Variants in LARGE1 observed in about 807,000 individuals in gnomAD.
LARGE1 encodes xylosyl- and glucuronyltransferase LARGE1.
Under a neutral mutation model 87.6 loss-of-function variants are expected in LARGE1, and 43 were observed. The ratio of observed to expected loss-of-function variants is 0.49; its 90% CI spans 0.38 to 0.63. The LOEUF (loss-of-function observed/expected upper bound fraction) is 0.63, where lower values mean the gene tolerates loss of function less well. Ranked by LOEUF, LARGE1 falls within the 30% of genes least tolerant of loss-of-function variation. The pLI is 0.00. For synonymous variants in LARGE1, 434 were observed against 394.6 expected (o/e 1.10, Z -1.18); for missense variants, 802 against 1,000.2 (o/e 0.80, Z 2.67).
chr22:33,075,947 G>A, the LARGE1 span, among the ~76,000 whole-genome samples: 3 of 152,106 alleles, frequency 2.0e-5, no homozygotes, highest in South Asian at 2.1e-4. Context: ...CGTTTACTGC[G>A]AGTGAGTCAC....
chr22:33,464,167 T>C (rs1018046357), intron 6 of LARGE1, among the ~76,000 whole-genome samples: 1 of 151,954 alleles, frequency 6.6e-6, no homozygotes, highest in African/African-American at 2.4e-5. Context: ...CTGTGACAAA[T>C]AAGCATGGAA....
Position 33,640,272 on chromosome 22 carries a change from C to T in LARGE1, c.408+10095G>A, listed in dbSNP as rs375954326. ...CTGCTCATGGGTAGGAGGCCAGCAC[C>T]TTGTGGAGAGTGTGCTTTGAAATAT... On this transcript the variant is annotated intron_variant, in intron 3 of 14. Transcript: ENST00000397394. Among the ~76,000 whole-genome samples, 208 of 152,284 alleles carry T rather than the reference C, an allele frequency of 1.4e-3. 1 individual carries two copies. Among genetic ancestry groups the T allele is most frequent in the African/African-American group, 4.7e-3 (197 of 41,548 alleles).
At chr22:33,313,895 A>G (rs1011302131) in intron 11 of LARGE1, among the ~76,000 whole-genome samples, 5 of 152,222 alleles carry the variant, frequency 3.3e-5, no homozygotes, top group African/African-American at 1.2e-4. Context: ...ACAAAGGTGT[A>G]CTTTTTAAGC....
intron 11 of LARGE1, among the ~76,000 whole-genome samples, chr22:33,174,595 G>A (rs1284675775): frequency 6.6e-6 from 1 of 152,008 alleles, no homozygotes; most frequent in African/African-American, 2.4e-5. Context: ...TTGACCATTA[G>A]CCAGACTAAT....
intron 2 of LARGE1, among the ~76,000 whole-genome samples, chr22:33,711,722 C>A (rs906490335): frequency 1.3e-5 from 2 of 152,246 alleles, no homozygotes; most frequent in Non-Finnish European, 2.9e-5. Flanking sequence ...TCATAGCTCA[C>A]TGCAGCCTCA....
chr22:33,406,024 G>C (rs149954641), intron 7 of LARGE1, among the ~76,000 whole-genome samples: 1 of 152,254 alleles, frequency 6.6e-6, no homozygotes, highest in East Asian at 1.9e-4. Flanking sequence ...TATCCAATCA[G>C]TAGTATAGAT....
intron 7 of LARGE1, among the ~76,000 whole-genome samples, chr22:33,408,774 G>A (rs1263883868): frequency 6.6e-6 from 1 of 151,834 alleles, no homozygotes; most frequent in Non-Finnish European, 1.5e-5. Flanking sequence ...ATGGCCAGGG[G>A]GGGTCAACTC....
In LARGE1 at chr22:33,789,986, G is replaced by T. The variant is rs139792623; in HGVS notation, c.-82-28428C>A. On this transcript the variant is annotated intron_variant, in intron 1 of 14. Transcript: ENST00000397394. Reference sequence around the variant, plus strand: ...GGGAAGGCATAATTGGTTTTGAAATGAGAGAACACGAGATTTGGGAGGGGC... The same window carrying T: ...GGGAAGGCATAATTGGTTTTGAAATTAGAGAACACGAGATTTGGGAGGGGC... Among the ~76,000 whole-genome samples the T allele has an allele frequency of 3.8e-3, 580 of 152,230 alleles. 2 individuals carry two copies. The highest frequency in any genetic ancestry group is 0.012 in the African/African-American group (503 of 41,538).
intron 7 of LARGE1, among the ~76,000 whole-genome samples, chr22:33,413,711 C>T (rs576174082): frequency 3.7e-4 from 57 of 152,022 alleles, no homozygotes; most frequent in African/African-American, 1.2e-3. Context: ...GTGATCTGCC[C>T]GCCTCGGCCT....
chr22:33,564,987 G>A lies in LARGE1; in HGVS notation c.648C>T (p.Tyr216=). The change falls in exon 6 of 15, where the codon TAC becomes TAT. Residue 216 remains tyrosine (Y), a synonymous_variant. Coordinates refer to ENST00000397394, the MANE Select transcript of LARGE1 (RefSeq NM_133642.5). ...SEVSWIPNKH[Y]SGIYGLMKLV... Reference sequence around the variant, plus strand: ...GCTTCATCAGACCATAAATCCCAGAGTAATGTTTATTGGGGATCCAGGAAA... The same window carrying A: ...GCTTCATCAGACCATAAATCCCAGAATAATGTTTATTGGGGATCCAGGAAA... 6.2e-7 allele frequency: 1 copy of A among 1,614,156 alleles called. No homozygotes were observed. The highest frequency in any genetic ancestry group is 8.5e-7 in the Non-Finnish European group (1 of 1,180,016).
chr22:33,741,070 G>A (rs79739699), intron 2 of LARGE1, among the ~76,000 whole-genome samples: 1 of 152,336 alleles, frequency 6.6e-6, no homozygotes, highest in African/African-American at 2.4e-5. Flanking sequence ...AAATGTGAAG[G>A]CTACTAGTTT....
rs569800000 is a variant in LARGE1, at chr22:33,263,383, C to T, written c.1730+40846G>A. On this transcript the variant is annotated intron_variant, in intron 11 of 11. Coordinates refer to the LARGE1 transcript ENST00000608642. ...TGTGTTATAGAAGACTCAGGTTGAG[C>T]AGGATGAAGGGAGAAGTGCTCTTGC... Among the ~76,000 whole-genome samples the T allele has an allele frequency of 2.0e-5, 3 of 152,294 alleles. No homozygotes were observed. In the South Asian group the frequency reaches 6.2e-4, roughly 32 times the overall value.
chr22:33,152,006 G>C, the LARGE1 span, among the ~76,000 whole-genome samples: 2 of 151,318 alleles, frequency 1.3e-5, no homozygotes, highest in Admixed American at 6.6e-5. Context: ...ATAGAATTGT[G>C]TTTATTTTTT....
intron 6 of LARGE1, among the ~76,000 whole-genome samples, chr22:33,476,279 GC>G (rs1355876184): frequency 6.6e-6 from 1 of 152,186 alleles, no homozygotes; most frequent in African/African-American, 2.4e-5. Flanking sequence ...GATTCATTGA[GC>G]CAGACTAAGG....
intron 1 of LARGE1, among the ~76,000 whole-genome samples, chr22:33,771,732 C>T (rs954085388): frequency 1.3e-5 from 2 of 152,132 alleles, no homozygotes; most frequent in African/African-American, 4.8e-5. Context: ...CCTATATACC[C>T]ACTGGATAAA....
intron 1 of LARGE1, among the ~76,000 whole-genome samples, chr22:33,783,540 G>A (rs748370353): frequency 6.6e-6 from 1 of 152,150 alleles, no homozygotes; most frequent in Non-Finnish European, 1.5e-5. Flanking sequence ...ACTCCAGCCT[G>A]GGCAACAGAG....
chr22:33,473,886 C>T (rs919906323), intron 6 of LARGE1, among the ~76,000 whole-genome samples: 2 of 152,302 alleles, frequency 1.3e-5, no homozygotes, highest in Admixed American at 1.3e-4. Flanking sequence ...TATGAGTATG[C>T]GACTTTCCAG....
intron 2 of LARGE1, among the ~76,000 whole-genome samples, chr22:33,654,262 G>A (rs972420765): frequency 1.3e-5 from 2 of 152,196 alleles, no homozygotes; most frequent in African/African-American, 4.8e-5. Flanking sequence ...TGGAGGAAGT[G>A]CTCAATTAAT....
chr22:33,170,264 G>A (rs1172882671), intron 11 of LARGE1, among the ~76,000 whole-genome samples: 1 of 152,084 alleles, frequency 6.6e-6, no homozygotes, highest in African/African-American at 2.4e-5. Context: ...AGCTACTCAG[G>A]AGGCTGAGGC....
Sources: gnomAD v4.1 joint callset for allele counts (sites outside exome capture counted in the v4.1 genomes callset) on GRCh38, gnomAD v4.1.1 for gene constraint, MANE v1.5 for transcripts, NCBI Gene and HGNC (gene_info 2026-07-23, HGNC 2026-07-21) for gene names.